EDEM3: variants seen among roughly 807,000 people sequenced by gnomAD.
EDEM3 encodes the protein ER degradation-enhancing alpha-mannosidase-like protein 3.
Under a neutral mutation model 110.2 loss-of-function variants are expected in EDEM3, and 60 were observed. The ratio of observed to expected loss-of-function variants is 0.54; its 90% CI spans 0.44 to 0.67. The LOEUF (loss-of-function observed/expected upper bound fraction) is 0.67, where lower values mean the gene tolerates loss of function less well. Ranked by LOEUF, EDEM3 falls within the 30% of genes least tolerant of loss-of-function variation. EDEM3 has a pLI of 0.00. For synonymous variants in EDEM3, 352 were observed against 382.9 expected, an observed-to-expected ratio of 0.92 and a Z score of 0.94; for missense variants, 996 against 1,121.0, an observed-to-expected ratio of 0.89 and a Z score of 1.59.
chr1:184,722,668 A>C (rs908140178), intron 8 of EDEM3, among the ~76,000 whole-genome samples: 9 of 151,970 alleles, frequency 5.9e-5, no homozygotes, highest in African/African-American at 2.2e-4. Flanking sequence ...AAAATTTTAT[A>C]CAATACTGAA....
intron 8 of EDEM3, among the ~76,000 whole-genome samples, chr1:184,722,726 T>A (rs1650971189): frequency 6.6e-6 from 1 of 150,874 alleles, no homozygotes; most frequent in Admixed American, 6.6e-5. Context: ...TTATAATTTT[T>A]ATTTATTTAA....
chr1:184,753,262 G>T, intron 1 of EDEM3, among the ~76,000 whole-genome samples: 1 of 149,400 alleles, frequency 6.7e-6, no homozygotes, highest in African/African-American at 2.5e-5. Flanking sequence ...TCTACAACTT[G>T]CATTTTTTTT....
intron 4 of EDEM3, among the ~76,000 whole-genome samples, 179 bp from the exon 5 acceptor site, chr1:184,734,822 T>C (rs1035309563): frequency 2.0e-5 from 3 of 152,228 alleles, no homozygotes; most frequent in African/African-American, 4.8e-5. Context: ...ATTAAGTATC[T>C]AATTATACAG....
At chr1:184,705,407 TCTCCTGTAAGTA>T (rs1172514559) in intron 18 of EDEM3, among the ~76,000 whole-genome samples, 2 of 152,174 alleles carry the variant, frequency 1.3e-5, no homozygotes, top group East Asian at 3.9e-4. Context: ...TTTGTAGTTC[TCTCCTGTAAGTA>T]CTCAACTCCA....
At chr1:184,716,034 C>T (rs1035321385) in intron 13 of EDEM3, among the ~76,000 whole-genome samples, 3 of 152,180 alleles carry the variant, frequency 2.0e-5, no homozygotes, top group Non-Finnish European at 4.4e-5. Context: ...GGTTATCCTT[C>T]AGGACATAGG....
In EDEM3 at chr1:184,708,327, G is replaced by A. The variant is rs758693384; in HGVS notation, c.1863C>T (p.Asp621=). 51 of 1,611,212 alleles carry A rather than the reference G, an allele frequency of 3.2e-5. No individual in the cohort carries two copies. Among genetic ancestry groups the A allele is most frequent in the Non-Finnish European group, 4.0e-5 (47 of 1,179,312 alleles). ...QHAIQAASSI[D]AEDGLRFMQE... is the part of the protein sequence containing the mutation. ...GCATGAACCTCAACCCATCTTCAGC[G>A]TCGATTGAACTAGCAGCCTATGAAA... Residue 621 remains aspartate, a synonymous_variant, in exon 17 of 20, where the codon GAC becomes GAT. Coordinates refer to ENST00000318130, the MANE Select transcript of EDEM3 (RefSeq NM_025191.4).
intron 6 of EDEM3, among the ~76,000 whole-genome samples, chr1:184,728,586 T>C (rs1285867675): frequency 6.6e-6 from 1 of 152,072 alleles, no homozygotes; most frequent in African/African-American, 2.4e-5. Context: ...TTCCTGAAGA[T>C]AAGTGGTATT....
chr1:184,707,383 C>T (rs903674261), intron 17 of EDEM3, among the ~76,000 whole-genome samples: 2 of 152,168 alleles, frequency 1.3e-5, no homozygotes, highest in African/African-American at 4.8e-5. Flanking sequence ...CTTCACTCTA[C>T]TAAAATGTAA....
rs1185705854 is a variant in EDEM3 at position 184,754,794 on chromosome 1, G to A, written c.-148C>T. The A allele has an allele frequency of 7.7e-6, 10 of 1,296,798 alleles. No homozygotes were observed. Among genetic ancestry groups the A allele is most frequent in the Admixed American group, 3.5e-5 (1 of 28,776 alleles). 80.3% of individuals were successfully genotyped at this position (1,296,798 alleles called of 1,614,324 possible). ...GGCCGCCGGCGCCAAACTGTTTCCCGAAGCCACCAAGCCGGTCCCCAGCGC... is the reference window on the plus strand; with the variant it reads ...GGCCGCCGGCGCCAAACTGTTTCCCAAAGCCACCAAGCCGGTCCCCAGCGC... On this transcript the variant is annotated 5_prime_UTR_variant, in exon 1 of 20. Transcript: ENST00000318130.
intron 8 of EDEM3, among the ~76,000 whole-genome samples, chr1:184,722,021 T>C (rs1281573011): frequency 6.6e-6 from 1 of 151,990 alleles, no homozygotes; most frequent in African/African-American, 2.4e-5. Context: ...AAGTCTGGAT[T>C]TTTCCTCTTA....
chr1:184,709,075 TG>T, intron 16 of EDEM3, among the ~76,000 whole-genome samples: 1 of 152,234 alleles, frequency 6.6e-6, no homozygotes. Flanking sequence ...TAAGAGGAAC[TG>T]GAAGAGAAGA....
At chr1:184,709,269 A>C (rs1250054566) in intron 16 of EDEM3, among the ~76,000 whole-genome samples, 3 of 152,218 alleles carry the variant, frequency 2.0e-5, no homozygotes, top group Non-Finnish European at 2.9e-5. Context: ...TATGAGAGGT[A>C]GATGAAAGTT....
At position 184,737,776 on chromosome 1, in the gene EDEM3, A is replaced by G. The variant is rs115727889; in HGVS notation, c.205-65T>C. The G allele has an allele frequency of 3.4e-4, 477 of 1,390,948 alleles. 3 individuals are homozygous for G. The African/African-American group carries it at 6.3e-3, about 18-fold the overall frequency. The allele number at this position is 1,390,948 out of a possible 1,614,324, so 86.2% of individuals were successfully genotyped here. Reference sequence around the variant, plus strand: ...CGAAAGCACACATCATTTTGAGAACATAACTTTTTCACAGTTAAAAAATAA... The same window carrying G: ...CGAAAGCACACATCATTTTGAGAACGTAACTTTTTCACAGTTAAAAAATAA... On this transcript the variant is annotated intron_variant, in intron 2 of 19. Coordinates refer to ENST00000318130, the MANE Select transcript of EDEM3 (RefSeq NM_025191.4).
Position 184,690,588 on chromosome 1 carries a change from C to G in EDEM3, c.*3475G>C, listed in dbSNP as rs2102044388. 1 of 152,546 alleles carries G rather than the reference C, an allele frequency of 6.6e-6. No homozygotes were observed. Among genetic ancestry groups the G allele is most frequent in the Non-Finnish European group, 1.5e-5 (1 of 67,950 alleles). 9.4% of individuals were successfully genotyped at this position (152,546 alleles called of 1,614,324 possible). ...TATATACAGGATTATATACATTTTG[C>G]CCAGACTTTTACATCACAGTACATA... On this transcript the variant is annotated 3_prime_UTR_variant, in exon 20 of 20. Transcript: ENST00000318130.
chr1:184,706,836 CT>C, intron 17 of EDEM3, 28 bp from the exon 18 acceptor site: 1 of 1,604,676 alleles, frequency 6.2e-7, no homozygotes, highest in Non-Finnish European at 8.5e-7. Flanking sequence ...AACTTAAATA[CT>C]TTAATCTTCT....
At position 184,736,495 on chromosome 1, in the gene EDEM3, T is replaced by C. The variant is rs542671419; in HGVS notation, c.345+530A>G. ...CTGTATTTAGAAATCATGACATCTG[T>C]AACTCAATCTTTCCCCTCTGTCATC... On this transcript the variant is annotated intron_variant, in intron 4 of 19. Coordinates refer to ENST00000318130, the MANE Select transcript of EDEM3 (RefSeq NM_025191.4). Among the ~76,000 whole-genome samples, 151 of 152,266 alleles carry C rather than the reference T, an allele frequency of 9.9e-4. 2 individuals are homozygous for C. The South Asian group carries it at 0.014, about 14-fold the overall frequency.
intron 6 of EDEM3, among the ~76,000 whole-genome samples, chr1:184,730,170 T>C (rs1324584143): frequency 6.6e-6 from 1 of 152,200 alleles, no homozygotes; most frequent in Non-Finnish European, 1.5e-5. Context: ...TGAAAAGCAA[T>C]TGGGCAACAA....
In EDEM3 at chr1:184,708,177, C is replaced by G. The variant is rs1427713172; in HGVS notation, c.2013G>C (p.Gly671=). The change falls in exon 17 of 20, where the codon GGG becomes GGC. Residue 671 remains glycine (G), a synonymous_variant. Transcript: ENST00000318130. ...VVLTAGPAQF[G]LDLSKHKETR... is the part of the protein sequence containing the mutation. ...CCTCTTTATGTTTAGACAGATCCAG[C>G]CCAAACTGAGCTGGTCCAGCAGTCA... The G allele has an allele frequency of 6.2e-7, 1 of 1,613,288 alleles. No homozygotes were observed. The highest frequency in any genetic ancestry group is 1.7e-5 in the Admixed American group (1 of 59,892).
chr1:184,716,325 T>C (rs1452981593), intron 13 of EDEM3, among the ~76,000 whole-genome samples: 1 of 152,168 alleles, frequency 6.6e-6, no homozygotes, highest in African/African-American at 2.4e-5. Context: ...ACCAGATAAG[T>C]GATCTTAGAA....
Sources: allele counts gnomAD v4.1 joint callset (sites outside exome capture counted in the v4.1 genomes callset), GRCh38; gene constraint gnomAD v4.1.1; transcripts MANE v1.5; gene names NCBI Gene and HGNC (gene_info 2026-07-23, HGNC 2026-07-21).